The following RAB3C variants were observed in gnomAD, a reference collection of about 807,000 sequenced individuals.
RAB3C encodes the protein RAB3C, member RAS oncogene family, also known as ras-related protein Rab-3C.
RAB3C carries 17 observed loss-of-function variants against 26.4 expected under a neutral mutation model. The observed-to-expected ratio is 0.64, with a 90% CI of 0.44 to 0.97. The LOEUF (loss-of-function observed/expected upper bound fraction) is 0.97. Among genes scored for constraint, RAB3C ranks in the 50% least tolerant of loss-of-function variants. The pLI, the probability that RAB3C is intolerant of heterozygous loss-of-function variation, is 0.00. For synonymous variants in RAB3C, 91 were observed against 95.9 expected (o/e 0.95, Z 0.30); for missense variants, 242 against 281.9 (o/e 0.86, Z 1.01).
At chr5:58,732,170 A>G (rs1026107661) in intron 3 of RAB3C, among the ~76,000 whole-genome samples, 1 of 151,200 alleles carries the variant, frequency 6.6e-6, no homozygotes, top group East Asian at 1.9e-4. Flanking sequence ...TTACATATGT[A>G]TACATGTGCC....
chr5:58,797,358 G>GTA (rs1206660459), intron 3 of RAB3C, among the ~76,000 whole-genome samples: 1 of 26,290 alleles, frequency 3.8e-5, no homozygotes, highest in Admixed American at 4.5e-4. Flanking sequence ...AAAAAAATAT[G>GTA]TATATATATA....
intron 2 of RAB3C, among the ~76,000 whole-genome samples, chr5:58,620,432 AT>A (rs959048190): frequency 6.6e-6 from 1 of 152,178 alleles, no homozygotes; most frequent in Non-Finnish European, 1.5e-5. Flanking sequence ...CAATACAAAG[AT>A]TTTGTGCTTA....
At chr5:58,636,623 T>C (rs1747294482) in intron 2 of RAB3C, among the ~76,000 whole-genome samples, 1 of 152,196 alleles carries the variant, frequency 6.6e-6, no homozygotes, top group African/African-American at 2.4e-5. Context: ...TATGTTAATA[T>C]CATTTTGCCA....
intron 3 of RAB3C, among the ~76,000 whole-genome samples, chr5:58,807,998 G>A (rs1363347529): frequency 6.6e-6 from 1 of 152,084 alleles, no homozygotes; most frequent in African/African-American, 2.4e-5. Context: ...GGCCAAGGCA[G>A]GTGGATCACA....
rs1481021029 is a variant in RAB3C at position 58,658,757 on chromosome 5, T to TTGTC, written c.252+40890_252+40893dup. On this transcript the variant is annotated intron_variant, in intron 2 of 4. Coordinates refer to ENST00000282878, the MANE Select transcript of RAB3C (RefSeq NM_138453.4). ...ACTACTTCTGAGAGTTAATTGGCTA[T>TTGTC]TGTCTGGGCAGTGGAGCAATAAGGC... Among the ~76,000 whole-genome samples the TTGTC allele has an allele frequency of 6.6e-5, 10 of 152,260 alleles. No individual in the cohort carries two copies. In the East Asian group the frequency reaches 1.7e-3, roughly 27 times the overall value.
intron 3 of RAB3C, among the ~76,000 whole-genome samples, chr5:58,732,959 T>C (rs950557715): frequency 6.6e-6 from 1 of 152,182 alleles, no homozygotes; most frequent in African/African-American, 2.4e-5. Context: ...AGCTAATTTA[T>C]TGTCATCATT....
At chr5:58,609,962 A>G (rs1746660701) in intron 1 of RAB3C, among the ~76,000 whole-genome samples, 2 of 152,212 alleles carry the variant, frequency 1.3e-5, no homozygotes, top group Admixed American at 6.5e-5. Context: ...TAGCAGATAC[A>G]TGGAGAAATT....
intron 2 of RAB3C, among the ~76,000 whole-genome samples, chr5:58,670,930 G>A (rs939295498): frequency 6.6e-6 from 1 of 152,106 alleles, no homozygotes; most frequent in Non-Finnish European, 1.5e-5. Flanking sequence ...TCAAACTCAT[G>A]TCAAACCCCT....
intron 1 of RAB3C, among the ~76,000 whole-genome samples, chr5:58,602,093 A>T (rs1208874573): frequency 2.0e-5 from 3 of 149,822 alleles, no homozygotes; most frequent in Non-Finnish European, 4.4e-5. Flanking sequence ...TTCCATCCTG[A>T]TTTTTTTTTG....
chr5:58,589,717 A>G (rs918922936), intron 1 of RAB3C, among the ~76,000 whole-genome samples: 3 of 152,184 alleles, frequency 2.0e-5, no homozygotes, highest in African/African-American at 7.2e-5. Flanking sequence ...TACATTTTGT[A>G]ACAGAATGGA....
At chr5:58,617,590 G>A (rs1746850074) in intron 1 of RAB3C, 53 bp from the exon 2 acceptor site, 3 of 1,313,458 alleles carry the variant, frequency 2.3e-6, no homozygotes, top group Admixed American at 3.4e-5. Flanking sequence ...CATATCAAAT[G>A]AGAGTCTGAT....
chr5:58,729,496 A>G (rs939700437), intron 3 of RAB3C, among the ~76,000 whole-genome samples: 3 of 151,840 alleles, frequency 2.0e-5, no homozygotes, highest in Non-Finnish European at 4.4e-5. Context: ...AAGTGGAATC[A>G]TGCAGTATTT....
At chr5:58,798,283 A>C (rs1742722215) in intron 3 of RAB3C, among the ~76,000 whole-genome samples, 1 of 152,214 alleles carries the variant, frequency 6.6e-6, no homozygotes, top group South Asian at 2.1e-4. Context: ...GTCATGCCAC[A>C]GGTTAGTTTT....
intron 3 of RAB3C, among the ~76,000 whole-genome samples, chr5:58,775,989 A>G (rs1742132077): frequency 6.6e-6 from 1 of 151,980 alleles, no homozygotes; most frequent in South Asian, 2.1e-4. Flanking sequence ...ATTTTCAATC[A>G]CATACTGACC....
chr5:58,699,520 A>C (rs1748793219), intron 2 of RAB3C, among the ~76,000 whole-genome samples: 1 of 152,192 alleles, frequency 6.6e-6, no homozygotes, highest in Non-Finnish European at 1.5e-5. Context: ...AGGGAAGTTT[A>C]TGTCTGCAGA....
At chr5:58,742,790 T>A (rs1741305508) in intron 3 of RAB3C, among the ~76,000 whole-genome samples, 1 of 152,194 alleles carries the variant, frequency 6.6e-6, no homozygotes, top group South Asian at 2.1e-4. Flanking sequence ...ATAAAATGCA[T>A]CAAAAAGTAC....
intron 2 of RAB3C, among the ~76,000 whole-genome samples, chr5:58,683,938 T>G (rs962047404): frequency 1.3e-5 from 2 of 152,178 alleles, no homozygotes; most frequent in African/African-American, 4.8e-5. Context: ...ATTGTTCTAT[T>G]TTATTATTAT....
At chr5:58,839,082 C>T (rs556397973) in intron 4 of RAB3C, among the ~76,000 whole-genome samples, 3 of 151,518 alleles carry the variant, frequency 2.0e-5, no homozygotes, top group African/African-American at 7.3e-5. Flanking sequence ...CACTTTTTGT[C>T]TATGTGTGTC....
rs527726561 is a variant in RAB3C at position 58,604,048 on chromosome 5, G to A, written c.25-13595G>A. ...CCTTTTCCTGTGGATGTGGCTTCCT[G>A]TGAGCCAAACTGCAGTGATTGTTGT... On this transcript the variant is annotated intron_variant, in intron 1 of 4. Coordinates refer to ENST00000282878, the MANE Select transcript of RAB3C (RefSeq NM_138453.4). Among the ~76,000 whole-genome samples the A allele has an allele frequency of 1.4e-4, 22 of 152,320 alleles. 1 individual carries two copies. The highest frequency in any genetic ancestry group is 1.4e-3 in the Admixed American group (21 of 15,306).
Sources: allele counts gnomAD v4.1 joint callset (sites outside exome capture counted in the v4.1 genomes callset), GRCh38; gene constraint gnomAD v4.1.1; transcripts MANE v1.5; gene names NCBI Gene and HGNC (gene_info 2026-07-23, HGNC 2026-07-21).